CCDC57: variants seen among roughly 807,000 people sequenced by gnomAD.
CCDC57 encodes coiled-coil domain containing 57.
CCDC57 carries 118 observed loss-of-function variants against 118.9 expected under a neutral mutation model. That is an observed-to-expected ratio of 0.99 (90% CI 0.86 to 1.16). The LOEUF is 1.16. CCDC57 is among the 50% of genes most tolerant of loss of function. CCDC57 has a pLI of 0.00. For synonymous variants in CCDC57, 527 were observed against 532.9 expected (o/e 0.99, Z 0.15); for missense variants, 1,300 against 1,320.7 (o/e 0.98, Z 0.24).
intron 19 of CCDC57, chr17:82,127,416 G>C (rs2037633541): frequency 1.0e-6 from 1 of 984,502 alleles, no homozygotes; most frequent in Non-Finnish European, 1.2e-6. Flanking sequence ...GCGCCCGGGT[G>C]TACGGTGCTG....
chr17:82,211,031 GAGAA>G lies in CCDC57; in HGVS notation c.-211+1750_-211+1753del, dbSNP rs1328677906. Among the ~76,000 whole-genome samples, 177 of 147,632 alleles carry G rather than the reference GAGAA, an allele frequency of 1.2e-3. 2 individuals carry two copies. The highest frequency in any genetic ancestry group is 4.0e-3 in the African/African-American group (160 of 40,102). ...AAAAGAAAAAAAAAAAAGAAAAAGA[GAGAA>G]AGAAAGAAACATCATCTTTTACATA... On this transcript the variant is annotated intron_variant, in intron 1 of 19. Coordinates refer to ENST00000665763, the Ensembl canonical transcript of CCDC57.
intron 17 of CCDC57, among the ~76,000 whole-genome samples, chr17:82,131,394 G>A (rs760196103): frequency 8.1e-4 from 123 of 151,946 alleles, no homozygotes; most frequent in Middle Eastern, 6.9e-3. Flanking sequence ...CCACACCACT[G>A]CAGTCTAGCC....
At chr17:82,150,602 A>G (rs150445771) in intron 16 of CCDC57, among the ~76,000 whole-genome samples, 24,987 of 26,158 alleles carry the variant, frequency 0.96, 12,099 homozygotes, top group Middle Eastern at 1. Context: ...CCCAGAACCA[A>G]GCGCACACCC....
intron 17 of CCDC57, 55 bp from the exon 17 acceptor site, chr17:82,128,652 A>G: frequency 7.3e-7 from 1 of 1,362,164 alleles, no homozygotes; most frequent in Non-Finnish European, 1.0e-6. Flanking sequence ...CTGATGGTGC[A>G]TGTCAGTGAG....
chr17:82,146,908 CACAT>C (rs2040828571), intron 16 of CCDC57, among the ~76,000 whole-genome samples: 1 of 152,196 alleles, frequency 6.6e-6, no homozygotes, highest in South Asian at 2.1e-4. Context: ...CACACAGTCT[CACAT>C]ACAAATGCAC....
intron 19 of CCDC57, among the ~76,000 whole-genome samples, chr17:82,109,595 C>A (rs1309011546): frequency 6.6e-6 from 1 of 152,172 alleles, no homozygotes. Context: ...CGGTGGCTCA[C>A]ACCTGTGATC....
chr17:82,191,388 A>G (rs2047654202), intron 7 of CCDC57, among the ~76,000 whole-genome samples: 1 of 152,210 alleles, frequency 6.6e-6, no homozygotes, highest in African/African-American at 2.4e-5. Flanking sequence ...ACTGTCTATG[A>G]CGTGGGCACT....
chr17:82,161,966 A>G (rs4789677), intron 14 of CCDC57, among the ~76,000 whole-genome samples: 70,722 of 151,446 alleles, frequency 0.47, 17,314 homozygotes, highest in East Asian at 0.88. Flanking sequence ...AAAATGGTAA[A>G]CTTTGTTATA....
intron 19 of CCDC57, chr17:82,112,435 T>C (rs1252645784): frequency 2.0e-5 from 3 of 152,416 alleles, no homozygotes; most frequent in South Asian, 2.1e-4. Flanking sequence ...CAGTATGTCA[T>C]GACCGTGTGC....
At chr17:82,151,862 G>C (rs2042106576) in intron 15 of CCDC57, 89 bp from the exon 15 acceptor site, 1 of 1,142,874 alleles carries the variant, frequency 8.7e-7, no homozygotes, top group Non-Finnish European at 1.2e-6. Flanking sequence ...CTCTTCACCT[G>C]CTCTTCCAGG....
chr17:82,130,767 T>C (rs1255216920), intron 17 of CCDC57, among the ~76,000 whole-genome samples: 4 of 144,178 alleles, frequency 2.8e-5, no homozygotes, highest in Non-Finnish European at 4.6e-5. Context: ...CCTCCCAAAG[T>C]GGCTGGGATC....
chr17:82,138,801 G>A (rs1342445103), intron 16 of CCDC57, among the ~76,000 whole-genome samples: 4 of 152,024 alleles, frequency 2.6e-5, no homozygotes, highest in Non-Finnish European at 5.9e-5. Context: ...GGGTGCCCAC[G>A]GCGCTTCTCT....
intron 19 of CCDC57, among the ~76,000 whole-genome samples, chr17:82,123,285 G>A (rs1347320101): frequency 7.3e-6 from 1 of 136,422 alleles, no homozygotes; most frequent in East Asian, 2.1e-4. Flanking sequence ...GAACCAGTGT[G>A]CCCGGCCCTT....
At position 82,183,707 on chromosome 17, in the gene CCDC57, T is replaced by G; in HGVS notation, c.1211+67A>C. On this transcript the variant is annotated intron_variant, in intron 9 of 19. Transcript: ENST00000665763. ...ACTCAATCTGTTCAGTTTTGAATCCTTAGTACCTACAACAGCACCTGCCCA... is the reference window on the plus strand; with the variant it reads ...ACTCAATCTGTTCAGTTTTGAATCCGTAGTACCTACAACAGCACCTGCCCA... The G allele has an allele frequency of 2.1e-6, 3 of 1,454,428 alleles. No homozygotes were observed. In the South Asian group the frequency reaches 3.9e-5, roughly 19 times the overall value. 90.1% of individuals were successfully genotyped at this position (1,454,428 alleles called of 1,614,324 possible). A position where few individuals can be genotyped will look rare whatever the true frequency, so the allele number is the denominator to read the frequency against.
chr17:82,179,186 G>T lies in CCDC57; in HGVS notation c.1215C>A (p.Tyr405Ter). The T allele has an allele frequency of 6.2e-7, 1 of 1,613,170 alleles. No homozygotes were observed. Among genetic ancestry groups the T allele is most frequent in the Non-Finnish European group, 8.5e-7 (1 of 1,179,590 alleles). ...CCACTGCCAGGGACAGCTGTTGCTT[G>T]TACCTAAGGACACGTCCAACCGCTC... The change falls in exon 10 of 20, where the codon TAC (tyrosine) becomes TAA (stop). Residue 405 changes from tyrosine (Y) to a stop codon, truncating the protein, a stop_gained. Transcript: ENST00000665763. LOFTEE classifies it high-confidence loss of function.
chr17:82,134,390 CAAT>C (rs1420169150), intron 16 of CCDC57, 196 bp from the exon 16 acceptor site: 3 of 423,050 alleles, frequency 7.1e-6, no homozygotes, highest in Non-Finnish European at 1.2e-5. Flanking sequence ...CTTGCACACA[CAAT>C]GCCACGCCCC....
intron 5 of CCDC57, among the ~76,000 whole-genome samples, chr17:82,194,877 C>T (rs769542760): frequency 2.3e-4 from 35 of 152,374 alleles, no homozygotes; most frequent in Middle Eastern, 6.8e-3. Context: ...CGGGTGGTGA[C>T]GATGGCTGCT....
At chr17:82,144,884 A>C (rs1334090713) in intron 16 of CCDC57, among the ~76,000 whole-genome samples, 1 of 152,216 alleles carries the variant, frequency 6.6e-6, no homozygotes, top group Non-Finnish European at 1.5e-5. Flanking sequence ...GGAAAATGAC[A>C]TGACGATAAA....
exon 20 of CCDC57, chr17:82,101,806 G>C (rs753414235): frequency 6.2e-7 from 1 of 1,604,038 alleles, no homozygotes; most frequent in Non-Finnish European, 8.5e-7. Context: ...CATCCCTGGG[G>C]TGGCAATGCC....
Sources: allele counts gnomAD v4.1 joint callset (sites outside exome capture counted in the v4.1 genomes callset), GRCh38; gene constraint gnomAD v4.1.1; transcripts MANE v1.5; gene names NCBI Gene and HGNC (gene_info 2026-07-23, HGNC 2026-07-21).